CHM: variants seen among roughly 807,000 people sequenced by gnomAD.
The protein encoded by CHM is rab proteins geranylgeranyltransferase component A 1.
A neutral mutation model predicts 49.0 loss-of-function variants in CHM; 10 were observed. The ratio of observed to expected loss-of-function variants is 0.20; its 90% CI spans 0.13 to 0.35. The LOEUF (loss-of-function observed/expected upper bound fraction) is 0.35. Among genes scored for constraint, CHM ranks in the 10% least tolerant of loss-of-function variants. The pLI is 1.00. For synonymous variants in CHM, 184 were observed against 167.5 expected, an observed-to-expected ratio of 1.10 and a Z score of -0.76; for missense variants, 455 against 478.4, an observed-to-expected ratio of 0.95 and a Z score of 0.46.
At chrX:85,908,369 T>C (rs1287720773) in intron 9 of CHM, among the ~76,000 whole-genome samples, 1 of 112,044 alleles carries the variant, frequency 8.9e-6, no homozygotes, top group Non-Finnish European at 1.9e-5. Context: ...TTGGTAAAGA[T>C]ACGCTGACCT....
At position 85,863,516 on chromosome X, in the gene CHM, C is replaced by T. The variant is rs1373337942; in HGVS notation, c.*1114G>A. ...TTTCCTTAGTAATATTTCAAAACCA[C>T]AATTCTACTTGTTACTATTTTTACT... On this transcript the variant is annotated 3_prime_UTR_variant, in exon 15 of 15. Transcript: ENST00000357749. 5.4e-5 allele frequency: 6 copies of T among 112,010 alleles called. No homozygotes were observed. The East Asian group carries it at 1.7e-3, about 31-fold the overall frequency. 9.2% of individuals were successfully genotyped at this position (112,010 alleles called of 1,213,427 possible).
At chrX:85,889,410 C>A (rs1925302477) in intron 12 of CHM, among the ~76,000 whole-genome samples, 1 of 112,134 alleles carries the variant, frequency 8.9e-6, no homozygotes, top group Non-Finnish European at 1.9e-5. Context: ...TGAACAGATG[C>A]TTCTCAAAAG....
At chrX:85,935,696 G>A (rs1163807891) in intron 8 of CHM, among the ~76,000 whole-genome samples, 1 of 112,045 alleles carries the variant, frequency 8.9e-6, no homozygotes, top group Non-Finnish European at 1.9e-5. Context: ...CATATATGTG[G>A]TCTGTTGTTG....
chrX:85,928,644 A>G (rs1928236535), intron 8 of CHM, among the ~76,000 whole-genome samples: 1 of 112,803 alleles, frequency 8.9e-6, no homozygotes, highest in Non-Finnish European at 1.9e-5. Flanking sequence ...TTCCAAATTC[A>G]TAAGTGCAAT....
chrX:85,949,788 T>C (rs1397902995), intron 8 of CHM, among the ~76,000 whole-genome samples: 1 of 107,014 alleles, frequency 9.3e-6, no homozygotes, highest in Non-Finnish European at 1.9e-5. Flanking sequence ...CTACTTCCAG[T>C]AGTAAACTGA....
chrX:85,904,526 T>A (rs1408386176), intron 9 of CHM, among the ~76,000 whole-genome samples: 1 of 111,777 alleles, frequency 8.9e-6, no homozygotes, highest in Non-Finnish European at 1.9e-5. Flanking sequence ...ATCTTCAGAA[T>A]GAATATACCA....
chrX:85,939,428 T>C (rs1030363776), intron 8 of CHM, among the ~76,000 whole-genome samples: 2 of 112,587 alleles, frequency 1.8e-5, no homozygotes, highest in Non-Finnish European at 3.8e-5. Context: ...ATCAAAGACA[T>C]AATTTTAATG....
At chrX:85,931,894 C>A (rs1159490371) in intron 8 of CHM, among the ~76,000 whole-genome samples, 1 of 112,316 alleles carries the variant, frequency 8.9e-6, no homozygotes. Context: ...CCAGAGAGGA[C>A]CTCAAAGTAC....
In CHM at chrX:85,965,801, G is replaced by A. The variant is rs5968757; in HGVS notation, c.315-1749C>T. ...AGTAATTCTAATAAAATCTAGTGAA[G>A]AAACAAATTGATATCATTAATGTTA... On this transcript the variant is annotated intron_variant, in intron 4 of 14. Coordinates refer to ENST00000357749, the MANE Select transcript of CHM (RefSeq NM_000390.4). 0.18 allele frequency among the ~76,000 whole-genome samples: 19,568 copies of A among 110,501 alleles called. 1,580 individuals carry two copies. The highest frequency in any genetic ancestry group is 0.26 in the Middle Eastern group (55 of 215).
intron 5 of CHM, among the ~76,000 whole-genome samples, chrX:85,959,342 T>C (rs959776341): frequency 1.8e-5 from 2 of 110,624 alleles, no homozygotes; most frequent in African/African-American, 6.6e-5. Context: ...ACCTAACATA[T>C]AACATATCAG....
intron 12 of CHM, among the ~76,000 whole-genome samples, chrX:85,892,100 C>G (rs1281410193): frequency 9.0e-6 from 1 of 111,728 alleles, no homozygotes; most frequent in African/African-American, 3.3e-5. Flanking sequence ...ACCTGGACCC[C>G]CATTGTATCT....
intron 1 of CHM, among the ~76,000 whole-genome samples, chrX:86,037,597 CT>C (rs772460889): frequency 2.7e-5 from 3 of 109,739 alleles, no homozygotes; most frequent in Non-Finnish European, 5.7e-5. Flanking sequence ...GCCACATGAC[CT>C]TTACTGCATT....
At chrX:85,968,059 C>A (rs1049133391) in intron 4 of CHM, among the ~76,000 whole-genome samples, 22 of 111,405 alleles carry the variant, frequency 2.0e-4, no homozygotes, top group Non-Finnish European at 3.2e-4. Context: ...ACATTGTATT[C>A]TTTTACTTTG....
chrX:86,021,083 C>CGT (rs1569254845), intron 2 of CHM, among the ~76,000 whole-genome samples: 25 of 90,403 alleles, frequency 2.8e-4, no homozygotes, highest in Non-Finnish European at 5.0e-4. Flanking sequence ...TATATACACA[C>CGT]ATATATATAC....
At chrX:85,984,099 G>C (rs1264830207) in intron 2 of CHM, among the ~76,000 whole-genome samples, 1 of 110,501 alleles carries the variant, frequency 9.0e-6, no homozygotes, top group Non-Finnish European at 1.9e-5. Context: ...CTACTCAGGA[G>C]GCTGAGGTAG....
intron 12 of CHM, among the ~76,000 whole-genome samples, chrX:85,890,062 G>A (rs1925344491): frequency 9.0e-6 from 1 of 111,094 alleles, no homozygotes. Context: ...GAGGAAGGGA[G>A]GAAATGGCTG....
At chrX:85,992,993 G>C (rs1932276798) in intron 2 of CHM, among the ~76,000 whole-genome samples, 1 of 111,656 alleles carries the variant, frequency 9.0e-6, no homozygotes, top group Non-Finnish European at 1.9e-5. Context: ...AATACACAAA[G>C]GTTGCCCTCA....
rs1934699331 is a variant in CHM at position 86,047,551 on chromosome X, A to T, written c.-19T>A. On this transcript the variant is annotated 5_prime_UTR_variant, in exon 1 of 15. The change abolishes an upstream ATG in the 5' untranslated region. Coordinates refer to ENST00000357749, the MANE Select transcript of CHM (RefSeq NM_000390.4). ...CCGCCATCTTGACGGGAAACGTGTC[A>T]TGTGACTATTACTTGTGGAAATGAG... 4 of 1,189,968 alleles carry T rather than the reference A, an allele frequency of 3.4e-6. No homozygotes were observed. The highest frequency in any genetic ancestry group is 1.1e-6 in the Non-Finnish European group (1 of 878,743).
At chrX:85,932,812 G>T (rs757356056) in intron 8 of CHM, among the ~76,000 whole-genome samples, 12 of 111,638 alleles carry the variant, frequency 1.1e-4, no homozygotes, top group Admixed American at 4.8e-4. Flanking sequence ...AAAGAGTGAG[G>T]CCTAACCTCA....
Sources: allele counts gnomAD v4.1 joint callset (sites outside exome capture counted in the v4.1 genomes callset), GRCh38; gene constraint gnomAD v4.1.1; transcripts MANE v1.5; gene names NCBI Gene and HGNC (gene_info 2026-07-23, HGNC 2026-07-21).